ANO2: variants seen among roughly 807,000 people sequenced by gnomAD.
The protein encoded by ANO2 is anoctamin 2, also known as anoctamin-2.
ANO2 carries 101 observed loss-of-function variants against 124.2 expected under a neutral mutation model. That is an observed-to-expected ratio of 0.81 (90% CI 0.69 to 0.96). The LOEUF is 0.96. Ranked by LOEUF, ANO2 falls within the 40% of genes least tolerant of loss-of-function variation. The probability of loss-of-function intolerance (pLI) is 0.00; values close to 1 mark genes in which losing one functional copy is unlikely to be tolerated. For synonymous variants in ANO2, 486 were observed against 482.5 expected, an observed-to-expected ratio of 1.01 and a Z score of -0.09; for missense variants, 1,293 against 1,274.5, an observed-to-expected ratio of 1.01 and a Z score of -0.22.
At chr12:5,613,825 AG>A (rs1944664312) in intron 17 of ANO2, among the ~76,000 whole-genome samples, 1 of 152,198 alleles carries the variant, frequency 6.6e-6, no homozygotes, top group South Asian at 2.1e-4. Context: ...TCTAAGCCTC[AG>A]GATCCTTTTT....
At chr12:5,747,323 A>G (rs925108378) in intron 11 of ANO2, among the ~76,000 whole-genome samples, 5 of 152,238 alleles carry the variant, frequency 3.3e-5, no homozygotes, top group Non-Finnish European at 5.9e-5. Context: ...GAAAGACACA[A>G]ACCCTTAGAG....
chr12:5,826,425 G>A (rs1953955132), intron 7 of ANO2, among the ~76,000 whole-genome samples: 1 of 141,782 alleles, frequency 7.1e-6, no homozygotes, highest in African/African-American at 2.8e-5. Context: ...GTGGGCTAAT[G>A]CTTAATAAAC....
At chr12:5,671,527 G>A (rs1346849281) in intron 14 of ANO2, among the ~76,000 whole-genome samples, 3 of 151,866 alleles carry the variant, frequency 2.0e-5, no homozygotes, top group Admixed American at 6.6e-5. Context: ...GTGTGTGTGA[G>A]TGTGTGTGTG....
chr12:5,773,051 G>A (rs903438381), intron 10 of ANO2, among the ~76,000 whole-genome samples: 6 of 152,232 alleles, frequency 3.9e-5, no homozygotes, highest in Admixed American at 2.6e-4. Context: ...TAAAGAGAGT[G>A]GGGTGTTGAT....
intron 3 of ANO2, among the ~76,000 whole-genome samples, chr12:5,893,225 C>T (rs1389194381): frequency 1.3e-5 from 2 of 151,932 alleles, no homozygotes; most frequent in African/African-American, 4.8e-5. Context: ...GCAACAATAA[C>T]AAAAATAAAT....
chr12:5,572,733 T>C (rs963833302), intron 23 of ANO2, among the ~76,000 whole-genome samples: 4 of 152,182 alleles, frequency 2.6e-5, no homozygotes, highest in African/African-American at 9.7e-5. Flanking sequence ...TGCTTCAAAG[T>C]CACTTCAGCT....
intron 12 of ANO2, 115 bp downstream of exon 12, chr12:5,744,042 A>G: frequency 7.9e-7 from 1 of 1,263,604 alleles, no homozygotes. Flanking sequence ...ACTTCTTGTG[A>G]TGGGAAGAAA....
At chr12:5,835,953 G>A (rs369994337) in intron 4 of ANO2, among the ~76,000 whole-genome samples, 11 of 152,170 alleles carry the variant, frequency 7.2e-5, no homozygotes, top group East Asian at 3.8e-4. Flanking sequence ...CTGAGACTAT[G>A]GAGTTCACCA....
intron 7 of ANO2, among the ~76,000 whole-genome samples, chr12:5,814,869 C>T (rs768269236): frequency 6.6e-6 from 1 of 152,196 alleles, no homozygotes; most frequent in Non-Finnish European, 1.5e-5. Flanking sequence ...GTTCTAAACC[C>T]ATTTCCAAAG....
chr12:5,829,825 C>G (rs1954093296), intron 6 of ANO2, among the ~76,000 whole-genome samples: 1 of 151,846 alleles, frequency 6.6e-6, no homozygotes, highest in Non-Finnish European at 1.5e-5. Flanking sequence ...CTACAAAATT[C>G]AAACACTTGA....
At chr12:5,912,060 C>T (rs1941082425) in intron 3 of ANO2, among the ~76,000 whole-genome samples, 1 of 152,192 alleles carries the variant, frequency 6.6e-6, no homozygotes, top group Non-Finnish European at 1.5e-5. Context: ...AGCCCAGAAA[C>T]CTCCTTCCAA....
intron 14 of ANO2, among the ~76,000 whole-genome samples, chr12:5,679,278 T>C (rs1416660328): frequency 6.6e-6 from 1 of 151,954 alleles, no homozygotes; most frequent in Non-Finnish European, 1.5e-5. Flanking sequence ...AAAGCAAAAA[T>C]TGACAAATAA....
intron 19 of ANO2, among the ~76,000 whole-genome samples, chr12:5,610,044 A>T (rs1277944382): frequency 2.2e-5 from 3 of 136,838 alleles, no homozygotes; most frequent in East Asian, 2.1e-4. Flanking sequence ...GATAAATATA[A>T]ATATATTATA....
chr12:5,625,239 T>C (rs758092265), intron 16 of ANO2, among the ~76,000 whole-genome samples: 15 of 151,442 alleles, frequency 9.9e-5, no homozygotes, highest in Non-Finnish European at 2.1e-4. Context: ...GACAGACAAA[T>C]TGTGAGTGTG....
At chr12:5,877,670 G>GT (rs1156333649) in intron 3 of ANO2, among the ~76,000 whole-genome samples, 1 of 152,204 alleles carries the variant, frequency 6.6e-6, no homozygotes, top group East Asian at 1.9e-4. Flanking sequence ...TAAAGCAGTG[G>GT]TCCCCAACCT....
At chr12:5,576,190 A>G (rs192728022) in intron 22 of ANO2, among the ~76,000 whole-genome samples, 175 bp from the exon 23 acceptor site, 11 of 152,310 alleles carry the variant, frequency 7.2e-5, no homozygotes, top group East Asian at 1.9e-4. Context: ...TTTGATGTGT[A>G]TAAGTATAAT....
At chr12:5,773,058 T>C (rs1392403436) in intron 10 of ANO2, among the ~76,000 whole-genome samples, 1 of 152,218 alleles carries the variant, frequency 6.6e-6, no homozygotes, top group East Asian at 1.9e-4. Context: ...AGTGGGGTGT[T>C]GATTTCCCCA....
intron 20 of ANO2, among the ~76,000 whole-genome samples, chr12:5,598,507 C>A (rs1004580773): frequency 1.3e-5 from 2 of 152,164 alleles, no homozygotes; most frequent in Non-Finnish European, 2.9e-5. Context: ...AGGTGCCTGC[C>A]ACCATTCCTG....
chr12:5,788,751 G>T (rs1177115104), intron 10 of ANO2, among the ~76,000 whole-genome samples: 1 of 152,112 alleles, frequency 6.6e-6, no homozygotes, highest in Non-Finnish European at 1.5e-5. Context: ...TAGAGACAGG[G>T]TTTCACCATG....
Sources: gnomAD v4.1 joint callset for allele counts (sites outside exome capture counted in the v4.1 genomes callset) on GRCh38, gnomAD v4.1.1 for gene constraint, MANE v1.5 for transcripts, NCBI Gene and HGNC (gene_info 2026-07-23, HGNC 2026-07-21) for gene names.